Variants in TMEM117 observed in about 807,000 individuals in gnomAD.
TMEM117 encodes the protein transmembrane protein 117.
In TMEM117, 27 loss-of-function variants were observed where a neutral mutation model predicts 52.4. The ratio of observed to expected loss-of-function variants is 0.51; its 90% CI spans 0.38 to 0.71. The LOEUF (loss-of-function observed/expected upper bound fraction) is 0.71, where lower values mean the gene tolerates loss of function less well. Among genes scored for constraint, TMEM117 ranks in the 30% least tolerant of loss-of-function variants. The probability of loss-of-function intolerance (pLI) is 0.00; values close to 1 mark genes in which losing one functional copy is unlikely to be tolerated. For synonymous variants in TMEM117, 215 were observed against 206.3 expected (o/e 1.04, Z -0.36); for missense variants, 556 against 630.5 (o/e 0.88, Z 1.26).
At chr12:44,280,802 A>G (rs1275890355) in intron 5 of TMEM117, among the ~76,000 whole-genome samples, 1 of 152,042 alleles carries the variant, frequency 6.6e-6, no homozygotes, top group Non-Finnish European at 1.5e-5. Flanking sequence ...CTGAAGTAAC[A>G]TTTTCGGTTA....
At chr12:44,191,353 A>ATCTG (rs776065998) in intron 4 of TMEM117, among the ~76,000 whole-genome samples, 1 of 151,816 alleles carries the variant, frequency 6.6e-6, no homozygotes, top group African/African-American at 2.4e-5. Context: ...ATGTCTATCT[A>ATCTG]TCTATCTGTC....
chr12:43,899,717 C>T (rs928366029), intron 2 of TMEM117, among the ~76,000 whole-genome samples: 4 of 152,064 alleles, frequency 2.6e-5, no homozygotes, highest in Non-Finnish European at 5.9e-5. Flanking sequence ...AGCACCTGCC[C>T]AATACCCACC....
chr12:44,048,321 CTAAGTTT>C (rs1412850176), intron 3 of TMEM117, among the ~76,000 whole-genome samples: 1 of 152,052 alleles, frequency 6.6e-6, no homozygotes, highest in Non-Finnish European at 1.5e-5. Flanking sequence ...TTGATCCTTT[CTAAGTTT>C]TGTTTGTTTT....
At chr12:43,953,329 A>T (rs576802097) in intron 3 of TMEM117, among the ~76,000 whole-genome samples, 1 of 152,306 alleles carries the variant, frequency 6.6e-6, no homozygotes, top group South Asian at 2.1e-4. Flanking sequence ...AATAGGCTAA[A>T]TGCCCCATTA....
chr12:43,877,634 C>CAAA (rs372068617), intron 2 of TMEM117, among the ~76,000 whole-genome samples: 2 of 99,906 alleles, frequency 2.0e-5, no homozygotes, highest in Non-Finnish European at 2.3e-5. Flanking sequence ...GACTCGGTCT[C>CAAA]AAAAAAAAAA....
intron 5 of TMEM117, among the ~76,000 whole-genome samples, chr12:44,234,681 T>G (rs75313656): frequency 0.018 from 2,668 of 151,594 alleles, 62 homozygotes; most frequent in East Asian, 0.057. Context: ...CTGAAATAAT[T>G]ACTTCACAGG....
intron 5 of TMEM117, among the ~76,000 whole-genome samples, chr12:44,294,511 G>A (rs539699061): frequency 1.2e-3 from 180 of 152,184 alleles, no homozygotes; most frequent in Admixed American, 3.2e-3. Context: ...TAATTTCATG[G>A]GTAGAAGATT....
intron 5 of TMEM117, among the ~76,000 whole-genome samples, chr12:44,282,205 T>C (rs999567391): frequency 6.6e-6 from 1 of 152,186 alleles, no homozygotes; most frequent in Admixed American, 6.5e-5. Context: ...CAATTAAACA[T>C]CTTTTTCTTC....
intron 4 of TMEM117, among the ~76,000 whole-genome samples, chr12:44,173,769 A>G (rs552310487): frequency 6.6e-6 from 1 of 152,074 alleles, no homozygotes; most frequent in South Asian, 2.1e-4. Context: ...TTTTCTTTGA[A>G]ATATATTTCA....
At chr12:43,861,146 T>G (rs1943482128) in intron 2 of TMEM117, among the ~76,000 whole-genome samples, 1 of 152,238 alleles carries the variant, frequency 6.6e-6, no homozygotes, top group African/African-American at 2.4e-5. Flanking sequence ...AACTTTGTAA[T>G]AGTATTTTCA....
intron 5 of TMEM117, among the ~76,000 whole-genome samples, chr12:44,251,878 A>C (rs1402054503): frequency 6.6e-6 from 1 of 152,168 alleles, no homozygotes; most frequent in Non-Finnish European, 1.5e-5. Context: ...ACTCTTAGAA[A>C]CTGTTACTAT....
At chr12:43,874,205 G>T (rs894713269) in intron 2 of TMEM117, among the ~76,000 whole-genome samples, 1 of 152,038 alleles carries the variant, frequency 6.6e-6, no homozygotes, top group Admixed American at 6.6e-5. Context: ...TTTAACTTTT[G>T]CATTACAATA....
At chr12:43,943,727 G>A (rs904331158) in intron 2 of TMEM117, among the ~76,000 whole-genome samples, 20 of 152,128 alleles carry the variant, frequency 1.3e-4, no homozygotes, top group African/African-American at 4.6e-4. Flanking sequence ...TTTCTTTCAA[G>A]TTTTCATGTA....
intron 3 of TMEM117, among the ~76,000 whole-genome samples, chr12:44,102,360 T>C (rs1179013874): frequency 6.6e-6 from 1 of 151,998 alleles, no homozygotes; most frequent in Admixed American, 6.6e-5. Context: ...GTCTAACCCA[T>C]GTAGGTATGA....
intron 3 of TMEM117, among the ~76,000 whole-genome samples, chr12:44,037,236 C>G (rs1592461741): frequency 6.6e-6 from 1 of 152,212 alleles, no homozygotes; most frequent in East Asian, 1.9e-4. Flanking sequence ...TCCTGGAAAA[C>G]AGCTATAGCC....
rs142012249 is a variant in TMEM117 at position 44,064,290 on chromosome 12, T to G, written c.411-79235T>G. ...AAAAGTTTAAAAGTTTCCGCTTAAA[T>G]ATTGCTGTTTAAGTTCATTTAAACT... On this transcript the variant is annotated intron_variant, in intron 3 of 7. Coordinates refer to ENST00000266534, the MANE Select transcript of TMEM117 (RefSeq NM_032256.3). Among the ~76,000 whole-genome samples, 1,499 of 152,364 alleles carry G rather than the reference T, an allele frequency of 9.8e-3. 9 individuals carry two copies. The highest frequency in any genetic ancestry group is 0.015 in the Non-Finnish European group (998 of 68,032).
intron 5 of TMEM117, among the ~76,000 whole-genome samples, chr12:44,253,382 A>C (rs775736802): frequency 7.2e-5 from 11 of 152,170 alleles, no homozygotes; most frequent in Non-Finnish European, 1.3e-4. Context: ...GATTTATGCA[A>C]AGTTCAGTCT....
At chr12:44,268,822 A>T (rs1025034784) in intron 5 of TMEM117, among the ~76,000 whole-genome samples, 12 of 152,016 alleles carry the variant, frequency 7.9e-5, no homozygotes, top group African/African-American at 2.7e-4. Flanking sequence ...AGTACCCACC[A>T]CTCAGGTCAA....
At chr12:43,853,887 T>A (rs1384020714) in intron 2 of TMEM117, among the ~76,000 whole-genome samples, 3 of 152,118 alleles carry the variant, frequency 2.0e-5, no homozygotes, top group Non-Finnish European at 4.4e-5. Context: ...TAGTCAGATA[T>A]GATGAAAGGT....
Sources: allele counts gnomAD v4.1 joint callset (sites outside exome capture counted in the v4.1 genomes callset), GRCh38; gene constraint gnomAD v4.1.1; transcripts MANE v1.5; gene names NCBI Gene and HGNC (gene_info 2026-07-23, HGNC 2026-07-21).